VDAC2: variants seen among roughly 807,000 people sequenced by gnomAD.
VDAC2 encodes the protein non-selective voltage-gated ion channel VDAC2.
VDAC2 carries 6 observed loss-of-function variants against 36.6 expected under a neutral mutation model. The observed-to-expected ratio is 0.16, with a 90% CI of 0.09 to 0.32. The LOEUF is 0.32. VDAC2 is among the 10% of genes least tolerant of loss of function. The probability of loss-of-function intolerance (pLI) is 1.00; values close to 1 mark genes in which losing one functional copy is unlikely to be tolerated. For missense variants in VDAC2, 247 were observed against 346.0 expected, an observed-to-expected ratio of 0.71 and a Z score of 2.27; for synonymous variants, 109 against 123.8, an observed-to-expected ratio of 0.88 and a Z score of 0.79.
intron 8 of VDAC2, among the ~76,000 whole-genome samples, chr10:75,227,644 C>T (rs576559416): frequency 4.1e-5 from 5 of 123,236 alleles, no homozygotes; most frequent in Admixed American, 2.2e-4. Context: ...TGCAGTGGTG[C>T]GATCTCTGCT....
chr10:75,212,719 A>G (rs1192266655), intron 3 of VDAC2, among the ~76,000 whole-genome samples: 1 of 152,200 alleles, frequency 6.6e-6, no homozygotes, highest in Admixed American at 6.5e-5. Flanking sequence ...TCTATTAGAA[A>G]CTTAAGATAC....
Position 75,212,459 on chromosome 10 carries a change from C to A in VDAC2, c.100+161C>A, listed in dbSNP as rs559794705. Reference sequence around the variant, plus strand: ...ACAGGGTCTCCCTCTGTTGCCCAGGCTGGATGCAGTGGCATGATTATACCT... The same window carrying A: ...ACAGGGTCTCCCTCTGTTGCCCAGGATGGATGCAGTGGCATGATTATACCT... On this transcript the variant is annotated intron_variant, in intron 3 of 9. Transcript: ENST00000332211. 2.0e-5 allele frequency among the ~76,000 whole-genome samples: 3 copies of A among 152,324 alleles called. No individual in the cohort carries two copies. The South Asian group carries it at 6.2e-4, about 32-fold the overall frequency.
intron 3 of VDAC2, 70 bp downstream of exon 3, chr10:75,212,368 C>G: frequency 7.6e-7 from 1 of 1,316,436 alleles, no homozygotes. Context: ...TTAGCGAAAT[C>G]AGATCAATCA....
chr10:75,225,783 A>T (rs578024103), intron 8 of VDAC2, among the ~76,000 whole-genome samples: 1 of 151,476 alleles, frequency 6.6e-6, no homozygotes, highest in Admixed American at 6.6e-5. Flanking sequence ...TCTTCATAGG[A>T]CCGAGTAGGT....
intron 6 of VDAC2, among the ~76,000 whole-genome samples, chr10:75,219,800 ATATTT>A (rs953975184): frequency 7.8e-6 from 1 of 128,402 alleles, no homozygotes; most frequent in Non-Finnish European, 1.6e-5. Context: ...TTTTTTTTCC[ATATTT>A]TATTTTATTG....
intron 6 of VDAC2, among the ~76,000 whole-genome samples, 162 bp downstream of exon 6, chr10:75,219,518 G>C (rs866418902): frequency 1.7e-4 from 26 of 152,154 alleles, no homozygotes; most frequent in African/African-American, 6.3e-4. Flanking sequence ...AGTCTTTGCT[G>C]TGTCACCCAG....
At chr10:75,229,070 C>T (rs1842037419) in intron 8 of VDAC2, among the ~76,000 whole-genome samples, 1 of 152,140 alleles carries the variant, frequency 6.6e-6, no homozygotes, top group African/African-American at 2.4e-5. Flanking sequence ...AGCCAGAACT[C>T]AGCAGCACCG....
At chr10:75,212,326 A>T (rs1841450096) in intron 3 of VDAC2, 28 bp downstream of exon 3, 2 of 1,585,270 alleles carry the variant, frequency 1.3e-6, no homozygotes, top group African/African-American at 2.7e-5. Context: ...AAAACGTTTT[A>T]GATAAAGAGT....
intron 4 of VDAC2, chr10:75,217,790 C>A (rs532087156): frequency 2.9e-4 from 195 of 663,068 alleles, no homozygotes; most frequent in Middle Eastern, 9.5e-4. Context: ...TTGTCTCTAA[C>A]AGCAGAGCAA....
intron 6 of VDAC2, among the ~76,000 whole-genome samples, chr10:75,219,778 C>A (rs1307256899): frequency 2.7e-5 from 4 of 148,962 alleles, no homozygotes; most frequent in African/African-American, 1.0e-4. Context: ...AGCCACCACG[C>A]CCAGCCTTTT....
At chr10:75,220,516 T>C (rs1841780413) in intron 6 of VDAC2, among the ~76,000 whole-genome samples, 1 of 152,060 alleles carries the variant, frequency 6.6e-6, no homozygotes, top group African/African-American at 2.4e-5. Flanking sequence ...TAACAGGCTT[T>C]TGTGACTGAT....
Position 75,231,020 on chromosome 10 carries a change from A to G in VDAC2, c.*31A>G. The G allele has an allele frequency of 6.4e-7, 1 of 1,557,708 alleles. No homozygotes were observed. Among genetic ancestry groups the G allele is most frequent in the Non-Finnish European group, 8.8e-7 (1 of 1,135,718 alleles). ...CTGAAAGAAACCTTTGGGAATGGATATCAGAAGATTTGGCCTTAATATATT... is the reference window on the plus strand; with the variant it reads ...CTGAAAGAAACCTTTGGGAATGGATGTCAGAAGATTTGGCCTTAATATATT... On this transcript the variant is annotated 3_prime_UTR_variant, in exon 10 of 10. Transcript: ENST00000332211.
intron 8 of VDAC2, among the ~76,000 whole-genome samples, chr10:75,227,245 A>AC (rs1485009746): frequency 2.0e-5 from 3 of 151,988 alleles, no homozygotes; most frequent in Non-Finnish European, 2.9e-5. Flanking sequence ...AATTACTTGA[A>AC]CCCCAGGGGG....
chr10:75,214,155 G>A, intron 4 of VDAC2, 85 bp downstream of exon 4: 1 of 1,415,824 alleles, frequency 7.1e-7, no homozygotes, highest in Non-Finnish European at 9.9e-7. Flanking sequence ...ATGTCTACCT[G>A]TTTTGTCTTA....
chr10:75,210,977 G>C (rs1841394895), intron 1 of VDAC2, 39 bp downstream of exon 1: 1 of 608,752 alleles, frequency 1.6e-6, no homozygotes, highest in African/African-American at 2.0e-5. Flanking sequence ...CAGGGGCCTA[G>C]GCCGCGGCGG....
intron 2 of VDAC2, chr10:75,211,655 CATT>C: frequency 6.4e-7 from 1 of 1,550,546 alleles, no homozygotes; most frequent in Non-Finnish European, 8.7e-7. Flanking sequence ...TTGAGAGTCA[CATT>C]AGTAAGTTTG....
intron 6 of VDAC2, 44 bp downstream of exon 6, chr10:75,219,400 C>A (rs777076742): frequency 6.8e-7 from 1 of 1,477,088 alleles, no homozygotes; most frequent in Middle Eastern, 2.5e-4. Flanking sequence ...AAAAGTATTT[C>A]TCTTTTGTAT....
In VDAC2 at chr10:75,213,331, C is replaced by T. The variant is rs149236646; in HGVS notation, c.101-690C>T. Among the ~76,000 whole-genome samples, 539 of 152,204 alleles carry T rather than the reference C, an allele frequency of 3.5e-3. 2 individuals carry two copies. The highest frequency in any genetic ancestry group is 0.013 in the African/African-American group (522 of 41,520). The stretch of plus-strand genomic sequence containing the variant: ...CTGATCTCAAGTGGTCTGCCTGCCT[C>T]GACTACCCGAAGTGCTAGGATTTCA... On this transcript the variant is annotated intron_variant, in intron 3 of 9. Transcript: ENST00000332211.
intron 7 of VDAC2, 136 bp downstream of exon 7, chr10:75,221,106 T>A: frequency 2.1e-6 from 2 of 938,440 alleles, no homozygotes; most frequent in Non-Finnish European, 3.1e-6. Flanking sequence ...TGGTCATTTC[T>A]AGGGTGCCCC....
Sources: allele counts gnomAD v4.1 joint callset (sites outside exome capture counted in the v4.1 genomes callset), GRCh38; gene constraint gnomAD v4.1.1; transcripts MANE v1.5; gene names NCBI Gene and HGNC (gene_info 2026-07-23, HGNC 2026-07-21).